The following ABCA2 variants were observed in gnomAD, a reference collection of about 807,000 sequenced individuals.
ABCA2 encodes ATP-binding cassette sub-family A member 2.
A neutral mutation model predicts 262.8 loss-of-function variants in ABCA2; 84 were observed. The observed-to-expected ratio is 0.32, with a 90% confidence interval of 0.27 to 0.38. The LOEUF (loss-of-function observed/expected upper bound fraction) is 0.38. Among genes scored for constraint, ABCA2 ranks in the 10% least tolerant of loss-of-function variants. ABCA2 has a pLI of 1.00. For missense variants in ABCA2, 2,662 were observed against 3,405.9 expected (o/e 0.78, Z 5.44); for synonymous variants, 1,696 against 1,502.9 (o/e 1.13, Z -2.97).
At chr9:137,028,623 G>A, upstream of ABCA2, 1 of 1,087,516 alleles carries the variant, frequency 9.2e-7, no homozygotes, top group African/African-American at 1.7e-5. This position sits in a 1 kb window ranked among gnomAD's most constrained non-coding sequence, Gnocchi z 6.9. Context: ...TCCCCGGGGC[G>A]CGCCGAGCGG....
chr9:137,019,313 G>C lies in ABCA2; in HGVS notation c.1426-7C>G. On this transcript the variant is annotated splice_polypyrimidine_tract_variant and splice_region_variant and intron_variant, in intron 10 of 48. Coordinates refer to ENST00000341511, the MANE Select transcript of ABCA2 (RefSeq NM_001606.5). The surrounding 1 kb of genome is among the most constrained non-coding windows in gnomAD (Gnocchi z 4.4). ...AAGCAAAAGTCTCGTTGGCCTGCAG[G>C]GGGTGAGGCAGGGGCATGGAGTTTC... 1.2e-6 allele frequency: 2 copies of C among 1,612,278 alleles called. No homozygotes were observed. Among genetic ancestry groups the C allele is most frequent in the Non-Finnish European group, 1.7e-6 (2 of 1,179,654 alleles).
At position 137,017,898 on chromosome 9, in the gene ABCA2, G is replaced by A. The variant is rs2131453479; in HGVS notation, c.2100C>T (p.Phe700=). 1 of 1,612,536 alleles carries A rather than the reference G, an allele frequency of 6.2e-7. No individual in the cohort carries two copies. The highest frequency in any genetic ancestry group is 8.5e-7 in the Non-Finnish European group (1 of 1,179,832). ...FPYPCYTRDD[F]LFVIEHMMPL... is the part of the protein sequence containing the mutation. ...GCATCATGTGCTCAATGACAAACAG[G>A]AAGCTGCGGGGAGGCCGCGCTCAGG... The change falls in exon 16 of 49, where the codon TTC becomes TTT. Residue 700 remains phenylalanine, a synonymous_variant. Coordinates refer to ENST00000341511, the MANE Select transcript of ABCA2 (RefSeq NM_001606.5).
At chr9:137,018,512 G>T (rs1021100512) in intron 13 of ABCA2, among the ~76,000 whole-genome samples, 161 bp from the exon 14 acceptor site, 3 of 113,262 alleles carry the variant, frequency 2.6e-5, no homozygotes, top group Non-Finnish European at 5.6e-5. Flanking sequence ...CAGGGGAAAG[G>T]TGGGCAGAAG....
At position 137,009,923 on chromosome 9, in the gene ABCA2, G is replaced by C. The variant is rs182538918; in HGVS notation, c.6496-20C>G. 3.1e-5 allele frequency: 49 copies of C among 1,601,732 alleles called. No individual in the cohort carries two copies. In the African/African-American group the frequency reaches 5.9e-4, roughly 19 times the overall value. Reference sequence around the variant, plus strand: ...CACCACCTGGCCAGGGAACGCAGGTGTCAGTGGAGGCAGGGCCACCCAGCG... The same window carrying C: ...CACCACCTGGCCAGGGAACGCAGGTCTCAGTGGAGGCAGGGCCACCCAGCG... On this transcript the variant is annotated intron_variant, in intron 42 of 48. Coordinates refer to ENST00000341511, the MANE Select transcript of ABCA2 (RefSeq NM_001606.5).
At position 137,028,047 on chromosome 9, in the gene ABCA2, T is replaced by C; in HGVS notation, c.66+28A>G. On this transcript the variant is annotated intron_variant, in intron 1 of 48. Coordinates refer to ENST00000341511, the MANE Select transcript of ABCA2 (RefSeq NM_001606.5). The surrounding 1 kb of genome is among the most constrained non-coding windows in gnomAD (Gnocchi z 6.9). Reference sequence around the variant, plus strand: ...GGCCGCGGTGCGCGCGGCCTCGGGCTGAGGGCGGGCGCGTGGGGTGGGCTC... The same window carrying C: ...GGCCGCGGTGCGCGCGGCCTCGGGCCGAGGGCGGGCGCGTGGGGTGGGCTC... 4.1e-6 allele frequency: 4 copies of C among 978,638 alleles called. No homozygotes were observed. The highest frequency in any genetic ancestry group is 4.8e-6 in the Non-Finnish European group (4 of 825,164). 60.6% of individuals were successfully genotyped at this position (978,638 alleles called of 1,614,324 possible).
At chr9:137,008,665 G>T (rs1361034753) in intron 47 of ABCA2, 43 bp from the exon 48 acceptor site, 9 of 1,551,516 alleles carry the variant, frequency 5.8e-6, no homozygotes, top group Non-Finnish European at 7.0e-6. Flanking sequence ...CTGGTCTGGG[G>T]TGAGGAGGGG....
chr9:137,013,062 C>G lies in ABCA2; in HGVS notation c.4807G>C (p.Ala1603Pro), dbSNP rs1379805378. Residue 1603 changes from alanine (A) to proline (P), a missense_variant, in exon 30 of 49, where the codon GCG becomes CCG. This residue lies in a region of ABCA2 where 192 missense variants were observed against 207.2 expected (regional missense o/e 0.93). Coordinates refer to ENST00000341511, the MANE Select transcript of ABCA2 (RefSeq NM_001606.5). Reference sequence around the variant, plus strand: ...GCCTGCAGGTCCTCATCCGGGGACGCTGGCGAGTCAGATGGGGCGGGCGAG... The same window carrying G: ...GCCTGCAGGTCCTCATCCGGGGACGGTGGCGAGTCAGATGGGGCGGGCGAG... The part of the protein sequence containing the change: ...PPSPAPSDSP[A>P]SPDEDLQAWN... 7.0e-7 allele frequency: 1 copy of G among 1,436,606 alleles called. No homozygotes were observed. The allele number at this position is 1,436,606 out of a possible 1,614,324, so 89.0% of individuals were successfully genotyped here. A position where few individuals can be genotyped will look rare whatever the true frequency, so the allele number is the denominator to read the frequency against.
Position 137,028,230 on chromosome 9 carries a change from G to T in ABCA2, c.-90C>A. ...GCAGCCCGCCGCGCCGCTGGGCATC[G>T]CCCGCGCGGGGGCGGGGCGCTCGGG... On this transcript the variant is annotated 5_prime_UTR_variant, in exon 1 of 49. Coordinates refer to ENST00000341511, the MANE Select transcript of ABCA2 (RefSeq NM_001606.5). The surrounding 1 kb of genome is among the most constrained non-coding windows in gnomAD (Gnocchi z 6.9). The T allele has an allele frequency of 6.1e-6, 6 of 977,944 alleles. No homozygotes were observed. Among genetic ancestry groups the T allele is most frequent in the Non-Finnish European group, 7.3e-6 (6 of 826,942 alleles). The allele number at this position is 977,944 out of a possible 1,614,324, so 60.6% of individuals were successfully genotyped here.
At position 137,022,340 on chromosome 9, in the gene ABCA2, C is replaced by A. The variant is rs889180369; in HGVS notation, c.567+11G>T. On this transcript the variant is annotated intron_variant, in intron 6 of 48. Transcript: ENST00000341511. ...GGGAGTGGCCAGGGCTGGGAGCTGT[C>A]CCTGCCTTACCTCGGGCGGGTCCAC... 2 of 1,593,926 alleles carry A rather than the reference C, an allele frequency of 1.3e-6. No individual in the cohort carries two copies. Among genetic ancestry groups the A allele is most frequent in the Non-Finnish European group, 1.7e-6 (2 of 1,171,130 alleles).
intron 28 of ABCA2, 128 bp downstream of exon 28, chr9:137,013,704 G>C (rs1309288678): frequency 1.3e-5 from 17 of 1,341,658 alleles, no homozygotes; most frequent in Admixed American, 2.1e-5. Context: ...GATGAACCCC[G>C]GTGCGTGCCC....
intron 21 of ABCA2, 25 bp from the exon 22 acceptor site, chr9:137,016,199 C>G (rs1320205695): frequency 6.2e-7 from 1 of 1,611,538 alleles, no homozygotes; most frequent in South Asian, 1.1e-5. Context: ...GGGGTCATGA[C>G]CCCACGCCCT....
chr9:137,009,257 C>T, intron 45 of ABCA2, 113 bp downstream of exon 45: 1 of 953,710 alleles, frequency 1.0e-6, no homozygotes, highest in Non-Finnish European at 1.5e-6. Flanking sequence ...TGCCCCCAGC[C>T]CCCCTGGCCC....
At position 137,014,828 on chromosome 9, in the gene ABCA2, G is replaced by A. The variant is rs199776350; in HGVS notation, c.3883-18C>T. On this transcript the variant is annotated intron_variant, in intron 25 of 48. Transcript: ENST00000341511. Reference sequence around the variant, plus strand: ...TCCAGGTGCTGCAGGGGCGGTGGAGGGGGAGGCTGCGGCAGGGACGCCCAG... The same window carrying A: ...TCCAGGTGCTGCAGGGGCGGTGGAGAGGGAGGCTGCGGCAGGGACGCCCAG... 3.1e-3 allele frequency: 4,967 copies of A among 1,595,362 alleles called. 10 individuals are homozygous for A. Among genetic ancestry groups the A allele is most frequent in the Non-Finnish European group, 3.9e-3 (4,531 of 1,171,746 alleles).
At chr9:137,023,534 C>G in intron 3 of ABCA2, 1 of 742,094 alleles carries the variant, frequency 1.3e-6, no homozygotes. Context: ...CCAGCCCAGC[C>G]TCAGCCCAGA....
intron 30 of ABCA2, 22 bp downstream of exon 30, chr9:137,012,980 A>G: frequency 7.4e-6 from 11 of 1,480,910 alleles, no homozygotes; most frequent in Non-Finnish European, 9.9e-6. Flanking sequence ...CTGCCCCCCC[A>G]GCAGGCCCCC....
chr9:137,017,111 G>A lies in ABCA2; in HGVS notation c.2567C>T (p.Thr856Met). The A allele has an allele frequency of 6.2e-7, 1 of 1,612,578 alleles. No homozygotes were observed. The highest frequency in any genetic ancestry group is 8.5e-7 in the Non-Finnish European group (1 of 1,179,864). The change falls in exon 19 of 49, where the codon ACG becomes ATG. Residue 856 changes from threonine (T) to methionine (M), a missense_variant. Physicochemically the swap from Thr to Met is moderately conservative, Grantham distance 81 (BLOSUM62 -1). Transcript: ENST00000341511. Reference protein sequence around the residue: ...FEKCIASLMSTTAFGLGSKYF... With the variant: ...FEKCIASLMSMTAFGLGSKYF... ...CTTAGAGCCCAGACCAAAGGCCGTC[G>A]TGGACATGAGGGACTGAGAAGGCAG...
Position 137,011,511 on chromosome 9 carries a change from C to A in ABCA2, c.5695G>T (p.Glu1899Ter). The change falls in exon 37 of 49, where the codon GAG (glutamate) becomes TAG (stop). Residue 1899 changes from glutamate to a stop codon, truncating the protein, a stop_gained. Transcript: ENST00000341511. LOFTEE classifies it high-confidence loss of function. This position sits in a 1 kb window ranked among gnomAD's most constrained non-coding sequence, Gnocchi z 8.8. ...AACACGTAGGCGGAGCTGGGGACCT[C>A]GAACCAGAAGGAGGCCGGGTACATG... is the stretch of plus-strand genomic sequence containing the variant. ...PIMYPASFWF[E>*]VPSSAYVFLI... 6.3e-7 allele frequency: 1 copy of A among 1,597,324 alleles called. No homozygotes were observed.
intron 45 of ABCA2, 78 bp downstream of exon 45, chr9:137,009,292 A>G (rs1353523240): frequency 1.1e-6 from 1 of 879,772 alleles, no homozygotes; most frequent in Non-Finnish European, 1.5e-6. Context: ...CCCTGCAGCC[A>G]CCCCCACTCC....
chr9:137,019,424 C>CT lies in ABCA2; in HGVS notation c.1426-119dup, dbSNP rs35180161. Reference sequence around the variant, plus strand: ...ATTGCCAACAACTAACCCTCCCCACCTTTTTTTTTTTTTTTTTCCTGAGAC... The same window carrying CT: ...ATTGCCAACAACTAACCCTCCCCACCTTTTTTTTTTTTTTTTTTCCTGAGAC... On this transcript the variant is annotated intron_variant, in intron 10 of 48. Transcript: ENST00000341511. This position sits in a 1 kb window ranked among gnomAD's most constrained non-coding sequence, Gnocchi z 4.4. 96,934 of 892,862 alleles carry CT rather than the reference C, an allele frequency of 0.11. No individual in the cohort carries two copies. The highest frequency in any genetic ancestry group is 0.12 in the South Asian group (6,371 of 52,450). 55.3% of individuals were successfully genotyped at this position (892,862 alleles called of 1,614,324 possible).
Sources: allele counts gnomAD v4.1 joint callset (sites outside exome capture counted in the v4.1 genomes callset), GRCh38; gene constraint gnomAD v4.1.1; regional missense constraint gnomAD v4.1.1; non-coding constraint Gnocchi (gnomAD v3.1); transcripts MANE v1.5; gene names NCBI Gene and HGNC (gene_info 2026-07-23, HGNC 2026-07-21).